ACTN4: variants seen among roughly 807,000 people sequenced by gnomAD.
The protein encoded by ACTN4 is alpha-actinin-4.
A neutral mutation model predicts 114.2 loss-of-function variants in ACTN4; 18 were observed. That is an observed-to-expected ratio of 0.16 (90% confidence interval 0.11 to 0.23). The LOEUF is 0.23. Among genes scored for constraint, ACTN4 ranks in the 10% least tolerant of loss-of-function variants. The pLI, the probability that ACTN4 is intolerant of heterozygous loss-of-function variation, is 1.00. For missense variants in ACTN4, 722 were observed against 1,262.9 expected (o/e 0.57, Z 6.49); for synonymous variants, 515 against 506.3 (o/e 1.02, Z -0.23).
chr19:38,661,174 T>C (rs1339111498), intron 1 of ACTN4, among the ~76,000 whole-genome samples: 1 of 152,088 alleles, frequency 6.6e-6, no homozygotes, highest in Non-Finnish European at 1.5e-5. Context: ...GCAAACTCAG[T>C]CCCTCTTAGA....
At chr19:38,713,161 G>C (rs1968717518) in intron 8 of ACTN4, among the ~76,000 whole-genome samples, 1 of 152,200 alleles carries the variant, frequency 6.6e-6, no homozygotes, top group African/African-American at 2.4e-5. Flanking sequence ...TCTAGCGCCA[G>C]TGTGCCCATT....
At position 38,651,886 on chromosome 19, in the gene ACTN4, C is replaced by T. The variant is rs184452772; in HGVS notation, c.162+3979C>T. Among the ~76,000 whole-genome samples, 360 of 152,064 alleles carry T rather than the reference C, an allele frequency of 2.4e-3. 3 individuals are homozygous for T. Among genetic ancestry groups the T allele is most frequent in the Non-Finnish European group, 2.1e-3 (146 of 67,992 alleles). On this transcript the variant is annotated intron_variant, in intron 1 of 20. Coordinates refer to ENST00000252699, the MANE Select transcript of ACTN4 (RefSeq NM_004924.6). The stretch of plus-strand genomic sequence containing the variant: ...AGCTGGGACTACAGGCGTGTGCTAC[C>T]GTGCCTGGCTAATTTTTGTGTTTTT...
rs889341635 is a variant in ACTN4 at position 38,730,555 on chromosome 19, A to G, written c.*1123A>G. 6 of 476,052 alleles carry G rather than the reference A, an allele frequency of 1.3e-5. No individual in the cohort carries two copies. The Admixed American group carries it at 2.2e-4, about 17-fold the overall frequency. 29.5% of individuals were successfully genotyped at this position (476,052 alleles called of 1,614,324 possible). On this transcript the variant is annotated 3_prime_UTR_variant, in exon 21 of 21. Transcript: ENST00000252699. Reference sequence around the variant, plus strand: ...GATTCCTGCAGCATCATCTTTTTTTATTTCTCCTGTGTCTGTCCTCCACCT... The same window carrying G: ...GATTCCTGCAGCATCATCTTTTTTTGTTTCTCCTGTGTCTGTCCTCCACCT...
chr19:38,666,652 G>A (rs1045391071), intron 1 of ACTN4, among the ~76,000 whole-genome samples: 2 of 152,250 alleles, frequency 1.3e-5, no homozygotes, highest in Non-Finnish European at 2.9e-5. Flanking sequence ...TCTTGCCTCT[G>A]AGATGAGCAG....
intron 1 of ACTN4, among the ~76,000 whole-genome samples, chr19:38,688,159 A>C (rs1379180957): frequency 6.6e-6 from 1 of 152,134 alleles, no homozygotes; most frequent in Non-Finnish European, 1.5e-5. Flanking sequence ...CATAATTCCA[A>C]CATTTTTGGA....
intron 1 of ACTN4, among the ~76,000 whole-genome samples, chr19:38,681,129 G>GAAAAAA (rs35906770): frequency 2.9e-5 from 2 of 69,270 alleles, no homozygotes; most frequent in Admixed American, 2.0e-4. Flanking sequence ...CCAATCTCTA[G>GAAAAAA]AAAAAAAAAA....
At chr19:38,718,275 C>T (rs968539805) in intron 11 of ACTN4, 2 of 953,464 alleles carry the variant, frequency 2.1e-6, no homozygotes, top group Non-Finnish European at 3.2e-6. Flanking sequence ...ACCTGTAATC[C>T]CAGCACTTTG....
intron 1 of ACTN4, among the ~76,000 whole-genome samples, chr19:38,671,445 A>G (rs1967125327): frequency 6.6e-6 from 1 of 152,176 alleles, no homozygotes; most frequent in South Asian, 2.1e-4. Context: ...ATTTGTACCC[A>G]TGTGGCAGAT....
chr19:38,724,130 G>GC lies in ACTN4; in HGVS notation c.1693-22dup. 5 of 1,613,464 alleles carry GC rather than the reference G, an allele frequency of 3.1e-6. No individual in the cohort carries two copies. Among genetic ancestry groups the GC allele is most frequent in the Non-Finnish European group, 4.2e-6 (5 of 1,179,936 alleles). On this transcript the variant is annotated intron_variant, in intron 14 of 20. Coordinates refer to ENST00000252699, the MANE Select transcript of ACTN4 (RefSeq NM_004924.6). The surrounding 1 kb of genome is among the most constrained non-coding windows in gnomAD (Gnocchi z 7.0). ...CCAAGAGCCTCTGTGGGGCTGGGCCGCCCCCTCACTCCAGCTCCTCCCCTA... is the reference window on the plus strand; with the variant it reads ...CCAAGAGCCTCTGTGGGGCTGGGCCGCCCCCCTCACTCCAGCTCCTCCCCTA...
rs1968887109 is a variant in ACTN4 at position 38,717,621 on chromosome 19, A to G, written c.1143+305A>G. Among the ~76,000 whole-genome samples, 4 of 152,246 alleles carry G rather than the reference A, an allele frequency of 2.6e-5. No individual in the cohort carries two copies. The South Asian group carries it at 8.3e-4, about 32-fold the overall frequency. On this transcript the variant is annotated intron_variant, in intron 10 of 20. Coordinates refer to ENST00000252699, the MANE Select transcript of ACTN4 (RefSeq NM_004924.6). This position sits in a 1 kb window ranked among gnomAD's most constrained non-coding sequence, Gnocchi z 4.0. ...GGTCTGCCATGATGGCATGACCGCC[A>G]TGTGCTTGAGGCCCTTCATCAGCGG...
chr19:38,659,060 C>CTTTTTT (rs1271131570), intron 1 of ACTN4, among the ~76,000 whole-genome samples: 1 of 62,200 alleles, frequency 1.6e-5, no homozygotes, highest in Non-Finnish European at 3.9e-5. Flanking sequence ...TTCTTCTTTT[C>CTTTTTT]TTTTCTTTTT....
At chr19:38,684,241 C>T (rs1243111736) in intron 1 of ACTN4, among the ~76,000 whole-genome samples, 1 of 152,160 alleles carries the variant, frequency 6.6e-6, no homozygotes, top group East Asian at 1.9e-4. Context: ...GCCTTATGCC[C>T]CACCCAGTCA....
chr19:38,664,280 T>TTG (rs1159275503), intron 1 of ACTN4, among the ~76,000 whole-genome samples: 1 of 152,090 alleles, frequency 6.6e-6, no homozygotes, highest in African/African-American at 2.4e-5. Context: ...TACTCCAGTG[T>TTG]TGTGTTTTTT....
chr19:38,673,497 T>TCATATA (rs1228448276), intron 1 of ACTN4, among the ~76,000 whole-genome samples: 1 of 67,662 alleles, frequency 1.5e-5, no homozygotes, highest in Non-Finnish European at 3.5e-5. Flanking sequence ...TCATATATAT[T>TCATATA]TATATATATG....
intron 1 of ACTN4, among the ~76,000 whole-genome samples, chr19:38,692,932 A>G (rs926093960): frequency 4.6e-5 from 7 of 152,092 alleles, no homozygotes; most frequent in Admixed American, 3.9e-4. Flanking sequence ...CCTACACGGT[A>G]TTTCAGAGCC....
chr19:38,710,382 G>A (rs894821781), intron 8 of ACTN4, 40 bp downstream of exon 8: 32 of 1,593,526 alleles, frequency 2.0e-5, no homozygotes, highest in African/African-American at 2.7e-5. Context: ...CGCCGCCACC[G>A]CGCAATGCCG....
At chr19:38,675,800 C>T (rs913924882) in intron 1 of ACTN4, among the ~76,000 whole-genome samples, 2 of 152,284 alleles carry the variant, frequency 1.3e-5, no homozygotes, top group East Asian at 1.9e-4. Context: ...GGCCTGGGTA[C>T]GGAGGTTCCT....
At chr19:38,723,228 G>A (rs545609820) in intron 12 of ACTN4, among the ~76,000 whole-genome samples, 5 of 152,266 alleles carry the variant, frequency 3.3e-5, no homozygotes, top group South Asian at 4.1e-4. Flanking sequence ...TGGCTGGCTC[G>A]CCTGCTCCCC....
intron 1 of ACTN4, chr19:38,693,728 AG>A (rs1208915433): frequency 6.6e-6 from 1 of 152,204 alleles, no homozygotes; most frequent in Non-Finnish European, 1.5e-5. Context: ...GGCGGCTGGG[AG>A]GGGTCCCTGT....
Sources: allele counts gnomAD v4.1 joint callset (sites outside exome capture counted in the v4.1 genomes callset), GRCh38; gene constraint gnomAD v4.1.1; non-coding constraint Gnocchi (gnomAD v3.1); transcripts MANE v1.5; gene names NCBI Gene and HGNC (gene_info 2026-07-23, HGNC 2026-07-21).